Variants in AKAP6 observed in about 807,000 individuals in gnomAD.
AKAP6 encodes A-kinase anchor protein 6.
AKAP6 carries 58 observed loss-of-function variants against 188.5 expected under a neutral mutation model. The ratio of observed to expected loss-of-function variants is 0.31; its 90% confidence interval spans 0.25 to 0.38. The LOEUF is 0.38. AKAP6 is among the 10% of genes least tolerant of loss of function. AKAP6 has a pLI of 1.00. For synonymous variants in AKAP6, 989 were observed against 998.6 expected (o/e 0.99, Z 0.18); for missense variants, 2,710 against 2,740.0 (o/e 0.99, Z 0.24).
rs138001778 is a variant in AKAP6, at chr14:32,501,206, A to G, written c.325-34348A>G. Among the ~76,000 whole-genome samples the G allele has an allele frequency of 2.9e-3, 443 of 152,292 alleles. 2 individuals carry two copies. Among genetic ancestry groups the G allele is most frequent in the African/African-American group, 0.01 (420 of 41,574 alleles). ...CAAAATATTGTTTTAACATGTAATT[A>G]ATATAAAATTATTAATAAACAATTT... On this transcript the variant is annotated intron_variant, in intron 2 of 13. Coordinates refer to ENST00000280979, the MANE Select transcript of AKAP6 (RefSeq NM_004274.5).
rs1796391787 is a variant in AKAP6, at chr14:32,535,616, C to T, written c.387C>T (p.Phe129=). 6.2e-7 allele frequency: 1 copy of T among 1,614,198 alleles called. No homozygotes were observed. ...TCCATGCCCTCCTTGAAACAGAGTT[C>T]TCCCTAAAGCTGCTGTCTTACTCTG... is the stretch of plus-strand genomic sequence containing the variant. The part of the protein sequence containing the change: ...EQIHALLETE[F]SLKLLSYSVN... The change falls in exon 3 of 14, where the codon TTC becomes TTT. Residue 129 remains phenylalanine (F), a synonymous_variant. Transcript: ENST00000280979.
intron 5 of AKAP6, among the ~76,000 whole-genome samples, chr14:32,579,578 TC>T (rs1427461272): frequency 6.6e-6 from 1 of 152,124 alleles, no homozygotes; most frequent in East Asian, 1.9e-4. Flanking sequence ...TGAATGATAT[TC>T]TTAAAGCGCA....
At chr14:32,497,963 T>C (rs1450483688) in intron 2 of AKAP6, among the ~76,000 whole-genome samples, 3 of 152,142 alleles carry the variant, frequency 2.0e-5, no homozygotes, top group Non-Finnish European at 4.4e-5. Context: ...ATTTCAGCTT[T>C]CTTTGAAAGT....
intron 1 of AKAP6, among the ~76,000 whole-genome samples, chr14:32,401,005 G>A (rs559036019): frequency 1.6e-3 from 239 of 152,254 alleles, no homozygotes; most frequent in Non-Finnish European, 2.6e-3. Flanking sequence ...GGGCTTCCAG[G>A]AAAGTTTACC....
At chr14:32,746,063 A>T (rs1034613198) in intron 11 of AKAP6, among the ~76,000 whole-genome samples, 2 of 152,044 alleles carry the variant, frequency 1.3e-5, no homozygotes, top group Non-Finnish European at 2.9e-5. Flanking sequence ...CCTTTCAGGG[A>T]AGTGGGCTCC....
chr14:32,368,715 G>A (rs1259570799), intron 1 of AKAP6, among the ~76,000 whole-genome samples: 2 of 152,060 alleles, frequency 1.3e-5, no homozygotes, highest in East Asian at 1.9e-4. Context: ...TGCCCAAACC[G>A]TGGACCCCTT....
intron 12 of AKAP6, among the ~76,000 whole-genome samples, chr14:32,814,265 C>A (rs749899497): frequency 7.2e-5 from 11 of 152,156 alleles, no homozygotes; most frequent in Non-Finnish European, 1.2e-4. Context: ...GTGAGCAGTT[C>A]TGTGGCATTT....
At chr14:32,384,914 C>T (rs1315603637) in intron 1 of AKAP6, among the ~76,000 whole-genome samples, 1 of 152,032 alleles carries the variant, frequency 6.6e-6, no homozygotes, top group Non-Finnish European at 1.5e-5. Context: ...ATGAAAGCTC[C>T]AGTTGCAAAA....
chr14:32,375,275 G>A (rs1201792223), intron 1 of AKAP6, among the ~76,000 whole-genome samples: 2 of 152,170 alleles, frequency 1.3e-5, no homozygotes, highest in Non-Finnish European at 2.9e-5. Context: ...ACATAATACA[G>A]AAGGGAAAAG....
intron 9 of AKAP6, among the ~76,000 whole-genome samples, chr14:32,724,454 G>A (rs2030739287): frequency 6.6e-6 from 1 of 152,180 alleles, no homozygotes; most frequent in Non-Finnish European, 1.5e-5. Context: ...TTGGTGAAGG[G>A]ATTTAAGTCA....
At chr14:32,794,571 C>G (rs940205125) in intron 12 of AKAP6, among the ~76,000 whole-genome samples, 1 of 152,018 alleles carries the variant, frequency 6.6e-6, no homozygotes, top group Non-Finnish European at 1.5e-5. Context: ...AACAAACAAA[C>G]AAACAAACAA....
At chr14:32,560,581 C>T (rs557787837) in intron 4 of AKAP6, among the ~76,000 whole-genome samples, 1 of 152,146 alleles carries the variant, frequency 6.6e-6, no homozygotes, top group East Asian at 1.9e-4. Flanking sequence ...TAATTTTCTT[C>T]GTATGGAAAG....
intron 12 of AKAP6, among the ~76,000 whole-genome samples, chr14:32,775,343 A>G (rs1249993057): frequency 2.0e-5 from 3 of 152,164 alleles, no homozygotes; most frequent in Non-Finnish European, 2.9e-5. Context: ...TGGAGGAGGC[A>G]AAGTTGTGTT....
chr14:32,412,355 T>C (rs144601546), intron 1 of AKAP6, among the ~76,000 whole-genome samples: 2 of 152,354 alleles, frequency 1.3e-5, no homozygotes, highest in African/African-American at 4.8e-5. Context: ...GGATGCAAAA[T>C]TGTGTCACAC....
At chr14:32,589,922 G>A (rs1295584396) in intron 5 of AKAP6, among the ~76,000 whole-genome samples, 3 of 152,136 alleles carry the variant, frequency 2.0e-5, no homozygotes, top group Non-Finnish European at 2.9e-5. Flanking sequence ...CTGGGGTGTG[G>A]TCACCTACAA....
rs559558049 is a variant in AKAP6 at position 32,412,052 on chromosome 14, C to G, written c.-34-21408C>G. Among the ~76,000 whole-genome samples, 14 of 152,212 alleles carry G rather than the reference C, an allele frequency of 9.2e-5. No individual in the cohort carries two copies. In the South Asian group the frequency reaches 2.9e-3, roughly 32 times the overall value. On this transcript the variant is annotated intron_variant, in intron 1 of 13. Transcript: ENST00000280979. ...GCAGAGTCCAGATTGAATGCTACCTCAAAAGTTCCTTTATTACATAAAACA... is the reference window on the plus strand; with the variant it reads ...GCAGAGTCCAGATTGAATGCTACCTGAAAAGTTCCTTTATTACATAAAACA...
At chr14:32,718,406 A>G in intron 9 of AKAP6, 1 of 801,518 alleles carries the variant, frequency 1.2e-6, no homozygotes, top group Non-Finnish European at 1.5e-6. Flanking sequence ...AAGAAACAAA[A>G]AGGCCCAAGG....
intron 9 of AKAP6, among the ~76,000 whole-genome samples, chr14:32,724,186 TTAGTA>T (rs1460466051): frequency 6.6e-6 from 1 of 152,220 alleles, no homozygotes; most frequent in Non-Finnish European, 1.5e-5. Context: ...ATCATTGACG[TTAGTA>T]TAATCTGCCA....
intron 12 of AKAP6, among the ~76,000 whole-genome samples, chr14:32,807,481 T>G (rs2034120376): frequency 6.6e-6 from 1 of 152,184 alleles, no homozygotes; most frequent in South Asian, 2.1e-4. Flanking sequence ...AACCAAAGGA[T>G]TTGTTTTAGG....
Sources: gnomAD v4.1 joint callset for allele counts (sites outside exome capture counted in the v4.1 genomes callset) on GRCh38, gnomAD v4.1.1 for gene constraint, MANE v1.5 for transcripts, NCBI Gene and HGNC (gene_info 2026-07-23, HGNC 2026-07-21) for gene names.